GTF2IRD2B: variants seen among roughly 807,000 people sequenced by gnomAD.
GTF2IRD2B encodes the protein general transcription factor II-I repeat domain-containing protein 2B.
GTF2IRD2B carries 10 observed loss-of-function variants against 55.6 expected under a neutral mutation model. That is an observed-to-expected ratio of 0.18 (90% CI 0.11 to 0.31). The LOEUF (loss-of-function observed/expected upper bound fraction) is 0.31, where lower values mean the gene tolerates loss of function less well. GTF2IRD2B is among the 10% of genes least tolerant of loss of function. The pLI is 1.00. For missense variants in GTF2IRD2B, 206 were observed against 802.7 expected (o/e 0.26, Z 8.98); for synonymous variants, 107 against 320.5 (o/e 0.33, Z 7.12).
rs1809220181 is a variant in GTF2IRD2B at position 75,148,355 on chromosome 7, G to C, written c.1908G>C (p.Lys636Asn). The change falls in exon 16 of 16, where the codon AAG becomes AAC. Residue 636 changes from lysine to asparagine, a missense_variant. By Grantham distance (94) the Lys-to-Asn change is moderately conservative (BLOSUM62 0). Transcript: ENST00000472837. ...DANNGLVTKL[K>N]SRVATFCKGA... Reference sequence around the variant, plus strand: ...ATAACGGGCTTGTCACAAAACTGAAGTCCAGGGTGGCGACGTTCTGCAAGG... The same window carrying C: ...ATAACGGGCTTGTCACAAAACTGAACTCCAGGGTGGCGACGTTCTGCAAGG... 3 of 1,612,932 alleles carry C rather than the reference G, an allele frequency of 1.9e-6. No individual in the cohort carries two copies. In the East Asian group the frequency reaches 6.7e-5, roughly 36 times the overall value.
Position 75,148,335 on chromosome 7 carries a change from G to A in GTF2IRD2B, c.1888G>A (p.Gly630Arg), listed in dbSNP as rs1554454569. The stretch of plus-strand genomic sequence containing the variant: ...CCCAGCGATGGTGGATGCCAATAAC[G>A]GGCTTGTCACAAAACTGAAGTCCAG... ...GTPAMVDANNGLVTKLKSRVA... is the reference protein window; with the variant it reads ...GTPAMVDANNRLVTKLKSRVA... The change falls in exon 16 of 16, where the codon GGG (glycine) becomes AGG (arginine). Residue 630 changes from glycine to arginine, a missense_variant. By Grantham distance (125) the Gly-to-Arg change is moderately radical (BLOSUM62 -2). Coordinates refer to ENST00000472837, the MANE Select transcript of GTF2IRD2B (RefSeq NM_001003795.3). 3 of 1,613,368 alleles carry A rather than the reference G, an allele frequency of 1.9e-6. No individual in the cohort carries two copies. The highest frequency in any genetic ancestry group is 1.7e-6 in the Non-Finnish European group (2 of 1,179,756).
At position 75,149,686 on chromosome 7, in the gene GTF2IRD2B, G is replaced by A. The variant is rs1226777259; in HGVS notation, c.*389G>A. 1 of 194,088 alleles carries A rather than the reference G, an allele frequency of 5.2e-6. No homozygotes were observed. The highest frequency in any genetic ancestry group is 1.0e-5 in the Non-Finnish European group (1 of 95,516). 12.0% of individuals were successfully genotyped at this position (194,088 alleles called of 1,614,324 possible). On this transcript the variant is annotated 3_prime_UTR_variant, in exon 16 of 16. Coordinates refer to ENST00000472837, the MANE Select transcript of GTF2IRD2B (RefSeq NM_001003795.3). ...AACCACTGTGCCCAGCTGACAAAAT[G>A]AGTTCTTAAACTTTTTTTTTTTTTC...
At chr7:75,115,460 A>G (rs1220043445) in intron 3 of GTF2IRD2B, among the ~76,000 whole-genome samples, 5 of 146,226 alleles carry the variant, frequency 3.4e-5, no homozygotes, top group Admixed American at 2.1e-4. Flanking sequence ...ATCTCGCTCT[A>G]TCGCCCAGGC....
rs1181600011 is a variant in GTF2IRD2B at position 75,115,418 on chromosome 7, A to AT, written c.238+2892dup. On this transcript the variant is annotated intron_variant, in intron 3 of 15. Coordinates refer to ENST00000472837, the MANE Select transcript of GTF2IRD2B (RefSeq NM_001003795.3). The stretch of plus-strand genomic sequence containing the variant: ...CAGAGTCCCTTGGTGTTCCATATGA[A>AT]TTTTTTTTTATTTTTTTTTTTTTGA... Among the ~76,000 whole-genome samples, 11 of 147,912 alleles carry AT rather than the reference A, an allele frequency of 7.4e-5. No homozygotes were observed. In the East Asian group the frequency reaches 2.0e-3, roughly 26 times the overall value.
chr7:75,105,762 G>C (rs1362400120), intron 1 of GTF2IRD2B, among the ~76,000 whole-genome samples: 2 of 152,306 alleles, frequency 1.3e-5, no homozygotes, highest in Non-Finnish European at 2.9e-5. Flanking sequence ...ACTGGCTAGG[G>C]TGTGCTGGGT....
In GTF2IRD2B at chr7:75,114,647, T is replaced by C. The variant is rs1554537537; in HGVS notation, c.238+2112T>C. ...ATCCCCATCTTTATGTCCATGTGTA[T>C]CCAAGGTTTGGCTCCCACTTACAAG... On this transcript the variant is annotated intron_variant, in intron 3 of 15. Transcript: ENST00000472837. 4.1e-4 allele frequency among the ~76,000 whole-genome samples: 63 copies of C among 152,108 alleles called. No individual in the cohort carries two copies. The South Asian group carries it at 0.011, about 26-fold the overall frequency.
intron 1 of GTF2IRD2B, among the ~76,000 whole-genome samples, chr7:75,103,032 C>A (rs1807631017): frequency 6.6e-6 from 1 of 150,634 alleles, no homozygotes; most frequent in South Asian, 2.1e-4. Context: ...AGTCCCAGCA[C>A]TCTGGGAGGC....
At position 75,123,244 on chromosome 7, in the gene GTF2IRD2B, A is replaced by G; in HGVS notation, c.467A>G (p.His156Arg). Residue 156 changes from histidine (H) to arginine (R), a missense_variant, in exon 5 of 16, where the codon CAC becomes CGC. Coordinates refer to ENST00000472837, the MANE Select transcript of GTF2IRD2B (RefSeq NM_001003795.3). ...QGLPEGVAFQ[H>R]PENYDLATLK... ...CTTCCGGAAGGCGTTGCCTTTCAACACCCTGAGAATTACGACCTTGCAACC... is the reference window on the plus strand; with the variant it reads ...CTTCCGGAAGGCGTTGCCTTTCAACGCCCTGAGAATTACGACCTTGCAACC... The G allele has an allele frequency of 7.0e-7, 1 of 1,428,108 alleles. No homozygotes were observed. The highest frequency in any genetic ancestry group is 1.7e-5 in the African/African-American group (1 of 57,492). 88.5% of individuals were successfully genotyped at this position (1,428,108 alleles called of 1,614,324 possible). A position where few individuals can be genotyped will look rare whatever the true frequency, so the allele number is the denominator to read the frequency against.
At chr7:75,134,851 G>A in intron 9 of GTF2IRD2B, 150 bp from the exon 10 acceptor site, 1 of 1,325,266 alleles carries the variant, frequency 7.5e-7, no homozygotes, top group East Asian at 2.5e-5. Context: ...ACAGGCGTGA[G>A]TTACCGCGCG....
At chr7:75,123,954 G>A (rs1226995893) in intron 6 of GTF2IRD2B, 5 of 289,818 alleles carry the variant, frequency 1.7e-5, no homozygotes, top group African/African-American at 4.4e-5. Flanking sequence ...GCAAGCCATC[G>A]TGGCACACAT....
At chr7:75,115,721 C>G (rs2115745245) in intron 3 of GTF2IRD2B, among the ~76,000 whole-genome samples, 1 of 149,948 alleles carries the variant, frequency 6.7e-6, no homozygotes, top group African/African-American at 2.5e-5. Flanking sequence ...GGGTGAGCCA[C>G]CGCGCCCAGC....
intron 1 of GTF2IRD2B, among the ~76,000 whole-genome samples, chr7:75,093,012 G>C (rs1234142885): frequency 6.6e-6 from 1 of 152,304 alleles, no homozygotes; most frequent in Non-Finnish European, 1.5e-5. Flanking sequence ...CGTACGCACG[G>C]AGCGCACATC....
chr7:75,102,858 C>T (rs1220392860), intron 1 of GTF2IRD2B, among the ~76,000 whole-genome samples: 8 of 151,800 alleles, frequency 5.3e-5, no homozygotes, highest in African/African-American at 1.4e-4. Flanking sequence ...ACTTGGGAGG[C>T]TGAGGCAGAA....
At chr7:75,130,087 TTTTCTCTTTCTTTCTTTC>T (rs1808616772) in intron 8 of GTF2IRD2B, among the ~76,000 whole-genome samples, 1 of 134,794 alleles carries the variant, frequency 7.4e-6, no homozygotes, top group Admixed American at 7.7e-5. Context: ...TTTTAATTTA[TTTTCTCTTTCTTTCTTTC>T]TTTCTTTCTT....
intron 3 of GTF2IRD2B, among the ~76,000 whole-genome samples, chr7:75,115,607 T>C (rs1784582045): frequency 7.1e-6 from 1 of 140,002 alleles, no homozygotes; most frequent in Non-Finnish European, 1.6e-5. Context: ...TTTTTTTTTT[T>C]TTTTGTATTT....
At chr7:75,132,548 C>CTTTTTTT (rs1159887977) in intron 8 of GTF2IRD2B, among the ~76,000 whole-genome samples, 25 of 85,360 alleles carry the variant, frequency 2.9e-4, no homozygotes, top group Middle Eastern at 0.01. Context: ...CTCCTTCCTT[C>CTTTTTTT]TTTTTTTTTT....
chr7:75,092,745 G>A lies in GTF2IRD2B; in HGVS notation c.-26G>A, dbSNP rs1479214343. 5 of 153,010 alleles carry A rather than the reference G, an allele frequency of 3.3e-5. No homozygotes were observed. Among genetic ancestry groups the A allele is most frequent in the East Asian group, 1.9e-4 (1 of 5,210 alleles). The allele number at this position is 153,010 out of a possible 1,614,324, so 9.5% of individuals were successfully genotyped here. On this transcript the variant is annotated 5_prime_UTR_variant, in exon 1 of 16. Transcript: ENST00000472837. ...AGGCCTCGGACTCCGCGGCCGGCCC[G>A]GCGCGGCCCAGCGCCCTCAGGTGCG...
chr7:75,102,148 G>A (rs587606594), intron 1 of GTF2IRD2B, among the ~76,000 whole-genome samples: 4 of 150,794 alleles, frequency 2.7e-5, no homozygotes, highest in Admixed American at 1.3e-4. Context: ...GACTACAGGC[G>A]TGCGCCACCA....
At position 75,148,597 on chromosome 7, in the gene GTF2IRD2B, G is replaced by T. The variant is rs1243579650; in HGVS notation, c.2150G>T (p.Gly717Val). The T allele has an allele frequency of 1.5e-6, 1 of 672,662 alleles. No individual in the cohort carries two copies. Among genetic ancestry groups the T allele is most frequent in the African/African-American group, 1.8e-5 (1 of 54,158 alleles). The allele number at this position is 672,662 out of a possible 1,614,324, so 41.7% of individuals were successfully genotyped here. A position where few individuals can be genotyped will look rare whatever the true frequency, so the allele number is the denominator to read the frequency against. The change falls in exon 16 of 16, where the codon GGG becomes GTG. Residue 717 changes from glycine to valine, a missense_variant. By Grantham distance (109) the Gly-to-Val change is moderately radical (BLOSUM62 -3). Transcript: ENST00000472837. Reference protein sequence around the residue: ...YYTEIKWLSRGLVLKRFFESL... With the variant: ...YYTEIKWLSRVLVLKRFFESL... Reference sequence around the variant, plus strand: ...ACGGAGATTAAGTGGCTCAGTCGCGGGCTCGTGCTAAAGAGATTTTTCGAA... The same window carrying T: ...ACGGAGATTAAGTGGCTCAGTCGCGTGCTCGTGCTAAAGAGATTTTTCGAA...
Sources: gnomAD v4.1 joint callset for allele counts (sites outside exome capture counted in the v4.1 genomes callset) on GRCh38, gnomAD v4.1.1 for gene constraint, MANE v1.5 for transcripts, NCBI Gene and HGNC (gene_info 2026-07-23, HGNC 2026-07-21) for gene names.